Variants in GHRHR observed in about 807,000 individuals in gnomAD.
GHRHR encodes growth hormone-releasing hormone receptor.
GHRHR carries 40 observed loss-of-function variants against 58.3 expected under a neutral mutation model. The observed-to-expected ratio is 0.69, with a 90% CI of 0.53 to 0.89. GHRHR has a LOEUF of 0.89. GHRHR is among the 40% of genes least tolerant of loss of function. GHRHR has a pLI of 0.00. For missense variants in GHRHR, 551 were observed against 541.3 expected, an observed-to-expected ratio of 1.02 and a Z score of -0.18; for synonymous variants, 249 against 216.6, an observed-to-expected ratio of 1.15 and a Z score of -1.31.
At chr7:30,965,889 G>A (rs369607223) in intron 1 of GHRHR, among the ~76,000 whole-genome samples, 1 of 152,264 alleles carries the variant, frequency 6.6e-6, no homozygotes, top group Non-Finnish European at 1.5e-5. Context: ...GTTGGGAGAT[G>A]TAGGGGAGAC....
At chr7:30,970,786 A>G (rs138060973) in intron 4 of GHRHR, among the ~76,000 whole-genome samples, 84 of 152,330 alleles carry the variant, frequency 5.5e-4, no homozygotes, top group African/African-American at 1.9e-3. Context: ...CTGGATGTCA[A>G]TAAACAAGCT....
At position 30,974,093 on chromosome 7, in the gene GHRHR, C is replaced by G. The variant is rs765351703; in HGVS notation, c.706C>G (p.Pro236Ala). The G allele has an allele frequency of 1.2e-6, 2 of 1,614,154 alleles. No individual in the cohort carries two copies. The highest frequency in any genetic ancestry group is 1.7e-6 in the Non-Finnish European group (2 of 1,180,024). Reference protein sequence around the residue: ...YLNCLLASTSPSSRRAFWWLV... With the variant: ...YLNCLLASTSASSRRAFWWLV... ...GAACTGCCTCCTGGCCTCCACCTCC[C>G]CCAGCTCAAGGAGAGCCTTCTGGTG... Residue 236 changes from proline to alanine, a missense_variant, in exon 7 of 13, where the codon CCC becomes GCC. Coordinates refer to ENST00000326139, the MANE Select transcript of GHRHR (RefSeq NM_000823.4).
At chr7:30,971,093 C>G in intron 4 of GHRHR, 26 bp from the exon 5 acceptor site, 1 of 1,039,654 alleles carries the variant, frequency 9.6e-7, no homozygotes, top group Non-Finnish European at 1.5e-6. Flanking sequence ...GAAGCTGAGA[C>G]TTTCTTCTGT....
At chr7:30,974,523 G>C in intron 8 of GHRHR, 34 bp downstream of exon 8, 1 of 1,470,356 alleles carries the variant, frequency 6.8e-7, no homozygotes, top group Non-Finnish European at 9.5e-7. Context: ...CATACCCGCT[G>C]GTCCTACATG....
At chr7:30,972,117 G>A (rs778901709) in intron 6 of GHRHR, 22 bp downstream of exon 6, 3 of 1,613,112 alleles carry the variant, frequency 1.9e-6, no homozygotes, top group African/African-American at 2.7e-5. Flanking sequence ...GGGTGAAGGG[G>A]CTGGGCAGGT....
chr7:30,975,906 T>C, intron 10 of GHRHR, 38 bp downstream of exon 10: 1 of 1,144,650 alleles, frequency 8.7e-7, no homozygotes, highest in Non-Finnish European at 1.3e-6. Context: ...TGGGAAAGGG[T>C]AACTGGAGGG....
At chr7:30,964,976 C>T (rs944994931) in intron 1 of GHRHR, among the ~76,000 whole-genome samples, 3 of 152,186 alleles carry the variant, frequency 2.0e-5, no homozygotes, top group African/African-American at 7.2e-5. Flanking sequence ...TGCACCTGCT[C>T]CTGAGTGCAC....
rs200143102 is a variant in GHRHR at position 30,974,953 on chromosome 7, T to C, written c.813-18T>C. On this transcript the variant is annotated intron_variant, in intron 8 of 12. Transcript: ENST00000326139. ...GAAGGGGACTTTCCAACAACGGCCT[T>C]CTTTCCTCTCTCCCCAGGTGCTGGG... is the stretch of plus-strand genomic sequence containing the variant. 94 of 1,587,792 alleles carry C rather than the reference T, an allele frequency of 5.9e-5. No individual in the cohort carries two copies. In the Admixed American group the frequency reaches 1.6e-3, roughly 26 times the overall value.
At chr7:30,975,697 A>C in intron 9 of GHRHR, 80 bp from the exon 10 acceptor site, 2 of 806,080 alleles carry the variant, frequency 2.5e-6, no homozygotes, top group South Asian at 2.7e-5. Context: ...TCTAGTCCCC[A>C]AATGGGCTGG....
chr7:30,976,804 A>C (rs909361463), intron 11 of GHRHR, among the ~76,000 whole-genome samples: 1 of 150,662 alleles, frequency 6.6e-6, no homozygotes, highest in South Asian at 2.1e-4. Context: ...ATCCATCCAT[A>C]CATCCATCTA....
intron 4 of GHRHR, among the ~76,000 whole-genome samples, chr7:30,970,293 G>A (rs531267460): frequency 6.6e-6 from 1 of 152,294 alleles, no homozygotes; most frequent in Admixed American, 6.5e-5. Context: ...GCAGCCCTGG[G>A]AAGCTCCTTT....
Position 30,975,813 on chromosome 7 carries a change from C to G in GHRHR, c.919C>G (p.Leu307Val), listed in dbSNP as rs1160553084. ...FGLFLNIIRI[L>V]VRKLEPAQGS... The stretch of plus-strand genomic sequence containing the variant: ...GCTTTTTCTCAATATTATCCGCATC[C>G]TGGTGAGGAAACTGGAGCCAGCTCA... Residue 307 changes from leucine (L) to valine (V), a missense_variant, in exon 10 of 13, where the codon CTG becomes GTG. By Grantham distance (32) the Leu-to-Val change is conservative. Transcript: ENST00000326139. 24 of 1,612,152 alleles carry G rather than the reference C, an allele frequency of 1.5e-5. No homozygotes were observed. Among genetic ancestry groups the G allele is most frequent in the Non-Finnish European group, 2.0e-5 (24 of 1,178,292 alleles).
chr7:30,977,460 G>C, intron 12 of GHRHR, 138 bp downstream of exon 12: 1 of 783,178 alleles, frequency 1.3e-6, no homozygotes, highest in Non-Finnish European at 2.3e-6. Flanking sequence ...GTGGTAGTCT[G>C]TCCTGAGCTT....
At position 30,976,504 on chromosome 7, in the gene GHRHR, CA is replaced by C; in HGVS notation, c.1052del (p.Asn351MetfsTer33). 6.2e-7 allele frequency: 1 copy of C among 1,612,734 alleles called. No homozygotes were observed. Among genetic ancestry groups the C allele is most frequent in the Non-Finnish European group, 8.5e-7 (1 of 1,178,772 alleles). ...ACATCATCTTCAACTTCCTGCCAGA[CA>C]ATGCTGGCCTGGGCATCCGCCTCCC... ...HYIIFNFLPD[N>X]AGLGIRLPLE... On this transcript the variant is annotated frameshift_variant, in exon 11 of 13. Coordinates refer to ENST00000326139, the MANE Select transcript of GHRHR (RefSeq NM_000823.4). LOFTEE classifies it high-confidence loss of function.
Position 30,978,666 on chromosome 7 carries a change from C to T in GHRHR, c.1147-453C>T, listed in dbSNP as rs75600021. Reference sequence around the variant, plus strand: ...CCCCAGGCTACTTTTCTTTTACTTACTTTCAGTTTCCTCAACTGCAACCCC... The same window carrying T: ...CCCCAGGCTACTTTTCTTTTACTTATTTTCAGTTTCCTCAACTGCAACCCC... On this transcript the variant is annotated intron_variant, in intron 12 of 12. Coordinates refer to ENST00000326139, the MANE Select transcript of GHRHR (RefSeq NM_000823.4). Among the ~76,000 whole-genome samples, 526 of 152,250 alleles carry T rather than the reference C, an allele frequency of 3.5e-3. 3 individuals are homozygous for T. The highest frequency in any genetic ancestry group is 0.012 in the African/African-American group (493 of 41,540).
rs1011324445 is a variant in GHRHR, at chr7:30,969,889, T to C, written c.291T>C (p.Thr97=). The change falls in exon 4 of 13, where the codon ACT becomes ACC. Residue 97 remains threonine (T), a synonymous_variant. Coordinates refer to ENST00000326139, the MANE Select transcript of GHRHR (RefSeq NM_000823.4). ...SESGAVKRDC[T]ITGWSEPFPP... ...CAGGGGCTGTGAAACGGGATTGTAC[T>C]ATCACTGGCTGGTCTGAGCCCTTTC... 1 of 1,611,600 alleles carries C rather than the reference T, an allele frequency of 6.2e-7. No homozygotes were observed. The highest frequency in any genetic ancestry group is 8.5e-7 in the Non-Finnish European group (1 of 1,177,672).
chr7:30,969,458 G>C (rs1792435667), intron 3 of GHRHR: 3 of 593,610 alleles, frequency 5.1e-6, no homozygotes, highest in Non-Finnish European at 9.0e-6. Context: ...GGGTGGAGGA[G>C]GGCAGGCCTG....
intron 12 of GHRHR, among the ~76,000 whole-genome samples, chr7:30,978,568 G>A (rs1290179155): frequency 1.3e-5 from 2 of 152,116 alleles, no homozygotes; most frequent in African/African-American, 4.8e-5. Context: ...AGCACCCTAT[G>A]CCCCTGAAAG....
At chr7:30,967,907 A>G (rs116578624) in intron 1 of GHRHR, among the ~76,000 whole-genome samples, 2,485 of 152,318 alleles carry the variant, frequency 0.016, 52 homozygotes, top group African/African-American at 0.05. Context: ...GGGTAAATCC[A>G]AAGTATTGGC....
Sources: gnomAD v4.1 joint callset for allele counts (sites outside exome capture counted in the v4.1 genomes callset) on GRCh38, gnomAD v4.1.1 for gene constraint, MANE v1.5 for transcripts, NCBI Gene and HGNC (gene_info 2026-07-23, HGNC 2026-07-21) for gene names.